SPAG16: variants seen among roughly 807,000 people sequenced by gnomAD.
SPAG16 encodes the protein sperm-associated antigen 16 protein.
A neutral mutation model predicts 80.4 loss-of-function variants in SPAG16; 86 were observed. That is an observed-to-expected ratio of 1.07 (90% confidence interval 0.90 to 1.28). The LOEUF is 1.28. SPAG16 is among the 50% of genes most tolerant of loss of function. SPAG16 has a pLI of 0.00. For missense variants in SPAG16, 870 were observed against 765.3 expected, an observed-to-expected ratio of 1.14 and a Z score of -1.61; for synonymous variants, 294 against 265.9, an observed-to-expected ratio of 1.11 and a Z score of -1.03.
chr2:214,075,720 C>T (rs572468197), intron 13 of SPAG16, among the ~76,000 whole-genome samples: 1 of 152,162 alleles, frequency 6.6e-6, no homozygotes, highest in Non-Finnish European at 1.5e-5. Context: ...CAGGGAAATA[C>T]ACACATGATG....
At chr2:213,832,189 G>A (rs974588972) in intron 10 of SPAG16, among the ~76,000 whole-genome samples, 2 of 151,544 alleles carry the variant, frequency 1.3e-5, no homozygotes, top group African/African-American at 4.9e-5. Context: ...GTAGAGATGG[G>A]GTTTCATCAT....
chr2:214,331,606 T>C (rs1157696846), intron 15 of SPAG16, among the ~76,000 whole-genome samples: 1 of 152,216 alleles, frequency 6.6e-6, no homozygotes, highest in African/African-American at 2.4e-5. Flanking sequence ...AAGCACCATA[T>C]AATAGTCATT....
At chr2:214,210,318 G>T (rs1247839360) in intron 15 of SPAG16, among the ~76,000 whole-genome samples, 1 of 151,994 alleles carries the variant, frequency 6.6e-6, no homozygotes, top group East Asian at 1.9e-4. Context: ...TTTTCTTGGA[G>T]ATTTGTGACA....
chr2:214,281,248 T>TC, intron 15 of SPAG16: 1 of 292,870 alleles, frequency 3.4e-6, no homozygotes, highest in South Asian at 4.0e-5. Flanking sequence ...GACTATCATA[T>TC]CCCCTTCTAT....
At chr2:214,031,597 AT>A (rs1478321940) in intron 13 of SPAG16, among the ~76,000 whole-genome samples, 1 of 43,452 alleles carries the variant, frequency 2.3e-5, no homozygotes, top group Non-Finnish European at 5.6e-5. Flanking sequence ...AAGTATAATA[AT>A]AATAAAATAA....
At chr2:214,345,483 C>T (rs1223779915) in intron 15 of SPAG16, among the ~76,000 whole-genome samples, 1 of 152,078 alleles carries the variant, frequency 6.6e-6, no homozygotes, top group African/African-American at 2.4e-5. Context: ...AAATTTTCTT[C>T]TAAAACAATT....
In SPAG16 at chr2:214,039,601, C is replaced by T. The variant is rs571670040; in HGVS notation, c.1527+25524C>T. On this transcript the variant is annotated intron_variant, in intron 13 of 15. Transcript: ENST00000331683. ...TCTGCAATGAACTCCAACAAATTTA[C>T]AAGAAATTCATTTCTTTGTTGGATT... Among the ~76,000 whole-genome samples, 80 of 152,320 alleles carry T rather than the reference C, an allele frequency of 5.3e-4. No homozygotes were observed. The South Asian group carries it at 5.8e-3, about 11-fold the overall frequency.
At chr2:214,092,289 G>C (rs2125319318) in intron 13 of SPAG16, among the ~76,000 whole-genome samples, 1 of 152,040 alleles carries the variant, frequency 6.6e-6, no homozygotes, top group South Asian at 2.1e-4. Context: ...TTTCCAAAAG[G>C]CTGTAACGAT....
intron 12 of SPAG16, among the ~76,000 whole-genome samples, chr2:213,994,627 C>T (rs900219866): frequency 4.8e-5 from 7 of 144,768 alleles, no homozygotes; most frequent in Admixed American, 3.5e-4. Context: ...ACTATTAAAC[C>T]TTCTGTTTCC....
intron 15 of SPAG16, among the ~76,000 whole-genome samples, chr2:214,193,395 A>ATGTGTGTGTGTGTG (rs60839638): frequency 2.9e-3 from 366 of 124,206 alleles, no homozygotes; most frequent in Non-Finnish European, 4.7e-3. Context: ...GAGATCTTTT[A>ATGTGTGTGTGTGTG]TGTGTGTGTG....
chr2:214,004,569 T>C (rs1309946884), intron 12 of SPAG16, among the ~76,000 whole-genome samples: 22 of 152,126 alleles, frequency 1.4e-4, no homozygotes. Context: ...GTGTCGGGGC[T>C]TATCATCAGG....
At chr2:214,342,935 T>C (rs749133146) in intron 15 of SPAG16, among the ~76,000 whole-genome samples, 1 of 152,150 alleles carries the variant, frequency 6.6e-6, no homozygotes, top group African/African-American at 2.4e-5. Context: ...GCATTGAATG[T>C]AACTCTCCAC....
chr2:214,273,604 G>A (rs924315736), intron 15 of SPAG16, among the ~76,000 whole-genome samples: 3 of 152,014 alleles, frequency 2.0e-5, no homozygotes, highest in Admixed American at 6.6e-5. Flanking sequence ...TCAGATTATT[G>A]TAGATGTGTG....
chr2:214,187,840 A>G (rs1250709377), intron 15 of SPAG16, among the ~76,000 whole-genome samples: 3 of 152,140 alleles, frequency 2.0e-5, no homozygotes, highest in African/African-American at 7.2e-5. Flanking sequence ...AAATGTAAAC[A>G]AAATGAAATA....
chr2:213,317,380 TTTC>T, intron 5 of SPAG16, 24 bp downstream of exon 5: 1 of 1,591,046 alleles, frequency 6.3e-7, no homozygotes, highest in Admixed American at 1.8e-5. Flanking sequence ...TAAATGACAT[TTTC>T]TTCTTTTTCT....
intron 11 of SPAG16, among the ~76,000 whole-genome samples, chr2:213,920,105 C>A (rs1364934927): frequency 6.6e-6 from 1 of 151,650 alleles, no homozygotes; most frequent in Non-Finnish European, 1.5e-5. Flanking sequence ...GATAGTAACC[C>A]CTGCTTTTCT....
At chr2:214,253,704 T>C (rs953266875) in intron 15 of SPAG16, among the ~76,000 whole-genome samples, 3 of 152,160 alleles carry the variant, frequency 2.0e-5, no homozygotes, top group Admixed American at 1.3e-4. Flanking sequence ...TTGGTTGCTG[T>C]ACACTCATAG....
At chr2:213,720,894 T>G (rs181580545) in intron 10 of SPAG16, among the ~76,000 whole-genome samples, 1 of 151,002 alleles carries the variant, frequency 6.6e-6, no homozygotes, top group Admixed American at 6.6e-5. Flanking sequence ...TACAGTTGCC[T>G]GCCACCACGC....
intron 9 of SPAG16, among the ~76,000 whole-genome samples, chr2:213,422,938 T>C (rs1263301605): frequency 6.6e-6 from 1 of 152,218 alleles, no homozygotes; most frequent in Non-Finnish European, 1.5e-5. Flanking sequence ...ACTTTTCTCT[T>C]CCCTGCCCTA....
Sources: gnomAD v4.1 joint callset for allele counts (sites outside exome capture counted in the v4.1 genomes callset) on GRCh38, gnomAD v4.1.1 for gene constraint, MANE v1.5 for transcripts, NCBI Gene and HGNC (gene_info 2026-07-23, HGNC 2026-07-21) for gene names.